PPP2R3C: variants seen among roughly 807,000 people sequenced by gnomAD.
The protein encoded by PPP2R3C is serine/threonine-protein phosphatase 2A regulatory subunit B'' subunit gamma.
A neutral mutation model predicts 63.7 loss-of-function variants in PPP2R3C; 47 were observed. The ratio of observed to expected loss-of-function variants is 0.74; its 90% CI spans 0.58 to 0.94. The LOEUF (loss-of-function observed/expected upper bound fraction) is 0.94. Among genes scored for constraint, PPP2R3C ranks in the 40% least tolerant of loss-of-function variants. The pLI, the probability that PPP2R3C is intolerant of heterozygous loss-of-function variation, is 0.00. For synonymous variants in PPP2R3C, 180 were observed against 177.4 expected, an observed-to-expected ratio of 1.01 and a Z score of -0.12; for missense variants, 421 against 518.4, an observed-to-expected ratio of 0.81 and a Z score of 1.82.
intron 9 of PPP2R3C, 135 bp downstream of exon 9, chr14:35,096,423 T>G: frequency 1.2e-6 from 1 of 838,692 alleles, no homozygotes; most frequent in East Asian, 2.5e-5. Context: ...ATTTTGGTAA[T>G]GTAGAATACT....
chr14:35,092,218 G>A (rs1383875876), intron 10 of PPP2R3C, among the ~76,000 whole-genome samples: 2 of 151,840 alleles, frequency 1.3e-5, no homozygotes. Context: ...ACAGGTACAC[G>A]CCATCACACT....
At chr14:35,106,099 C>T (rs922757758) in intron 6 of PPP2R3C, among the ~76,000 whole-genome samples, 2 of 152,122 alleles carry the variant, frequency 1.3e-5, no homozygotes, top group African/African-American at 2.4e-5. Context: ...CCCGCCTCGG[C>T]CTCCCAAAGT....
chr14:35,115,353 T>C (rs1009059624), intron 2 of PPP2R3C, among the ~76,000 whole-genome samples: 3 of 151,192 alleles, frequency 2.0e-5, no homozygotes, highest in Non-Finnish European at 4.4e-5. Context: ...AGACACGATC[T>C]CACCAAGTTG....
intron 3 of PPP2R3C, chr14:35,110,287 C>G: frequency 2.2e-6 from 1 of 464,854 alleles, no homozygotes; most frequent in Non-Finnish European, 3.8e-6. Context: ...GGTTCTCAAC[C>G]TTGGCTGCAC....
At chr14:35,087,272 T>C (rs940974808) in intron 12 of PPP2R3C, 2 of 152,178 alleles carry the variant, frequency 1.3e-5, no homozygotes, top group Non-Finnish European at 2.9e-5. Flanking sequence ...TAAAATAAAA[T>C]TTGTAGCAAA....
At chr14:35,122,160 T>C (rs1246502800), upstream of PPP2R3C, 9 of 581,566 alleles carry the variant, frequency 1.5e-5, no homozygotes, top group East Asian at 2.6e-4. Flanking sequence ...CCACGCTGAC[T>C]GGGGGAAAAA....
chr14:35,111,412 T>C (rs1304343037), intron 2 of PPP2R3C, among the ~76,000 whole-genome samples: 1 of 152,220 alleles, frequency 6.6e-6, no homozygotes, highest in African/African-American at 2.4e-5. Context: ...CCCTTGGTCA[T>C]TCCTGGGCAT....
At chr14:35,105,536 T>C (rs1036152346) in intron 6 of PPP2R3C, among the ~76,000 whole-genome samples, 19 of 152,146 alleles carry the variant, frequency 1.2e-4, no homozygotes, top group African/African-American at 4.1e-4. Flanking sequence ...GGAATTTGTA[T>C]AGTCAATATA....
intron 6 of PPP2R3C, chr14:35,100,323 C>A (rs2046145326): frequency 6.6e-6 from 1 of 152,094 alleles, no homozygotes; most frequent in Non-Finnish European, 1.5e-5. Flanking sequence ...AATACAATTT[C>A]TATAAGTGGA....
intron 10 of PPP2R3C, 47 bp downstream of exon 10, chr14:35,095,001 C>G: frequency 6.5e-7 from 1 of 1,548,702 alleles, no homozygotes; most frequent in South Asian, 1.1e-5. Context: ...TGTGGAAACT[C>G]TGGGAGCCTA....
intron 6 of PPP2R3C, chr14:35,100,484 A>T (rs1232864487): frequency 6.6e-6 from 1 of 152,216 alleles, no homozygotes; most frequent in African/African-American, 2.4e-5. Flanking sequence ...GTGTCCCAGG[A>T]GCACCACAGT....
intron 6 of PPP2R3C, 75 bp from the exon 7 acceptor site, chr14:35,099,459 T>G: frequency 6.8e-7 from 1 of 1,466,888 alleles, no homozygotes; most frequent in South Asian, 1.3e-5. Flanking sequence ...TTACTAAAAA[T>G]TATTCAGCAT....
intron 3 of PPP2R3C, 35 bp downstream of exon 3, chr14:35,110,490 T>G (rs778918270): frequency 6.4e-6 from 9 of 1,402,330 alleles, no homozygotes; most frequent in Non-Finnish European, 9.0e-6. Flanking sequence ...TGAGAAATGG[T>G]TAACATCTAA....
rs766560843 is a variant in PPP2R3C, at chr14:35,095,149, T to C, written c.874A>G (p.Met292Val). 104 of 1,613,710 alleles carry C rather than the reference T, an allele frequency of 6.4e-5. No homozygotes were observed. The highest frequency in any genetic ancestry group is 8.7e-5 in the Non-Finnish European group (103 of 1,179,586). Residue 292 changes from methionine to valine, a missense_variant, in exon 10 of 13, where the codon ATG (methionine) becomes GTG (valine). Transcript: ENST00000261475. The part of the protein sequence containing the change: ...YLNLDKDHNG[M>V]LSKEELSRYG... ...CGTGAGAGTTCTTCTTTACTGAGCA[T>C]GCCATTGTGATCTTTATCAAGATTC... is the stretch of plus-strand genomic sequence containing the variant.
intron 2 of PPP2R3C, among the ~76,000 whole-genome samples, chr14:35,111,918 AT>A (rs1241317387): frequency 6.6e-6 from 1 of 152,150 alleles, no homozygotes; most frequent in East Asian, 1.9e-4. Flanking sequence ...TTGAGTAATA[AT>A]AAAACTCCTG....
At chr14:35,104,975 C>A (rs2046302305) in intron 6 of PPP2R3C, among the ~76,000 whole-genome samples, 1 of 151,600 alleles carries the variant, frequency 6.6e-6, no homozygotes, top group African/African-American at 2.4e-5. Flanking sequence ...ATCAAGTGAT[C>A]CACTCGCCTT....
intron 6 of PPP2R3C, chr14:35,106,350 CTTTTT>C (rs1045518137): frequency 8.2e-6 from 1 of 121,590 alleles, no homozygotes; most frequent in Non-Finnish European, 1.7e-5. Context: ...TTCTCTCTCT[CTTTTT>C]TTTTGAGACA....
chr14:35,090,711 A>ATTTTTTTTTT (rs35890780), intron 11 of PPP2R3C, among the ~76,000 whole-genome samples: 1 of 110,352 alleles, frequency 9.1e-6, no homozygotes, highest in Non-Finnish European at 1.8e-5. Flanking sequence ...GCATCTCACA[A>ATTTTTTTTTT]TTTTTTTTTT....
chr14:35,089,353 C>T (rs1017106740), intron 11 of PPP2R3C, among the ~76,000 whole-genome samples: 5 of 151,852 alleles, frequency 3.3e-5, no homozygotes, highest in Non-Finnish European at 5.9e-5. Flanking sequence ...ACCCTCCTTC[C>T]CTGGCCTCCC....
Sources: allele counts gnomAD v4.1 joint callset (sites outside exome capture counted in the v4.1 genomes callset), GRCh38; gene constraint gnomAD v4.1.1; transcripts MANE v1.5; gene names NCBI Gene and HGNC (gene_info 2026-07-23, HGNC 2026-07-21).